WWOX: variants seen among roughly 807,000 people sequenced by gnomAD.
WWOX encodes WW domain containing oxidoreductase.
A neutral mutation model predicts 46.2 loss-of-function variants in WWOX; 69 were observed. The ratio of observed to expected loss-of-function variants is 1.49; its 90% CI spans 1.23 to 1.82. The LOEUF (loss-of-function observed/expected upper bound fraction) is 1.82. WWOX is among the 40% of genes most tolerant of loss of function. The probability of loss-of-function intolerance (pLI) is 0.00; values close to 1 mark genes in which losing one functional copy is unlikely to be tolerated. For synonymous variants in WWOX, 359 were observed against 202.6 expected, an observed-to-expected ratio of 1.77 and a Z score of -6.56; for missense variants, 919 against 542.6, an observed-to-expected ratio of 1.69 and a Z score of -6.89.
Position 78,450,035 on chromosome 16 carries a change from AAT to A in WWOX, c.1056+17285_1056+17286del, listed in dbSNP as rs1229756347. ...TTTTTTTAAGCAGGAAGCTAAAAAAAATAACCACCCGTTACTTTGCTGCTTTT... is the reference window on the plus strand; with the variant it reads ...TTTTTTTAAGCAGGAAGCTAAAAAAAAACCACCCGTTACTTTGCTGCTTTT... On this transcript the variant is annotated intron_variant, in intron 8 of 8. Coordinates refer to ENST00000566780, the MANE Select transcript of WWOX (RefSeq NM_016373.4). Among the ~76,000 whole-genome samples, 2 of 150,746 alleles carry A rather than the reference AAT, an allele frequency of 1.3e-5. 1 individual carries two copies. The highest frequency in any genetic ancestry group is 1.3e-4 in the Admixed American group (2 of 15,090).
chr16:78,633,954 A>C (rs1189515484), intron 8 of WWOX, among the ~76,000 whole-genome samples: 1 of 151,092 alleles, frequency 6.6e-6, no homozygotes, highest in East Asian at 1.9e-4. Context: ...TCTGCCGACC[A>C]AAGGCTGAGT....
chr16:78,989,260 A>C (rs150965998), intron 8 of WWOX, among the ~76,000 whole-genome samples: 7 of 152,094 alleles, frequency 4.6e-5, no homozygotes, highest in African/African-American at 1.7e-4. Context: ...TAAGAATTCT[A>C]ATTCAATTAG....
chr16:78,691,144 A>G (rs1254040941), intron 8 of WWOX: 1 of 665,692 alleles, frequency 1.5e-6, no homozygotes. Flanking sequence ...TCATAAAAGC[A>G]AAAGCACAGT....
intron 8 of WWOX, among the ~76,000 whole-genome samples, chr16:78,707,560 G>C (rs959924845): frequency 1.3e-5 from 2 of 152,106 alleles, no homozygotes; most frequent in African/African-American, 2.4e-5. Context: ...CAGAAATAAA[G>C]GCTACAGATG....
intron 5 of WWOX, among the ~76,000 whole-genome samples, chr16:78,169,093 T>G (rs2035064940): frequency 1.3e-5 from 2 of 152,164 alleles, no homozygotes; most frequent in South Asian, 4.1e-4. Context: ...CAGTGGGGCT[T>G]GTTCCTATGT....
chr16:78,920,563 C>G (rs768962524), intron 8 of WWOX, among the ~76,000 whole-genome samples: 5 of 152,080 alleles, frequency 3.3e-5, no homozygotes, highest in Non-Finnish European at 7.4e-5. Flanking sequence ...GTTCCCTGCC[C>G]TTGTTAAATG....
At chr16:79,151,975 A>G (rs554889381) in intron 8 of WWOX, among the ~76,000 whole-genome samples, 2 of 152,296 alleles carry the variant, frequency 1.3e-5, no homozygotes, top group South Asian at 2.1e-4. Flanking sequence ...AGGCAACAGA[A>G]AGGTCTCTGT....
At chr16:78,837,601 C>G (rs574684819) in intron 8 of WWOX, among the ~76,000 whole-genome samples, 1 of 152,146 alleles carries the variant, frequency 6.6e-6, no homozygotes, top group Non-Finnish European at 1.5e-5. Context: ...ATACAGACCT[C>G]TTAGGCGTCT....
chr16:78,706,952 C>G (rs987254174), intron 8 of WWOX, among the ~76,000 whole-genome samples: 30 of 152,210 alleles, frequency 2.0e-4, no homozygotes, highest in Non-Finnish European at 4.4e-5. Context: ...CATCAGCCGT[C>G]ATGCCTGGCA....
chr16:78,409,965 C>T (rs1158204220), intron 6 of WWOX, among the ~76,000 whole-genome samples: 1 of 152,204 alleles, frequency 6.6e-6, no homozygotes, highest in Non-Finnish European at 1.5e-5. Flanking sequence ...TGTTTTTCTC[C>T]TGCACATGCC....
rs778738934 is a variant in WWOX at position 78,109,823 on chromosome 16, T to C, written c.218T>C (p.Val73Ala). The stretch of plus-strand genomic sequence containing the variant: ...CAAGAAACTGATGAGAACGGACAAG[T>C]GTTTTTTGTTGAGTAAGTGTCTGCA... ...WEQETDENGQ[V>A]FFVDHINKRT... is the part of the protein sequence containing the mutation. Residue 73 changes from valine to alanine, a missense_variant, in exon 3 of 9, where the codon GTG becomes GCG. Val to Ala is a moderately conservative substitution (Grantham distance 64, BLOSUM62 0). Transcript: ENST00000566780. 1 of 1,614,186 alleles carries C rather than the reference T, an allele frequency of 6.2e-7. No homozygotes were observed. The highest frequency in any genetic ancestry group is 8.5e-7 in the Non-Finnish European group (1 of 1,180,026).
intron 8 of WWOX, among the ~76,000 whole-genome samples, chr16:78,448,735 G>A (rs2083618109): frequency 6.6e-6 from 1 of 152,138 alleles, no homozygotes; most frequent in African/African-American, 2.4e-5. Context: ...ATCAAGGGGA[G>A]GAATAATCAT....
intron 8 of WWOX, among the ~76,000 whole-genome samples, chr16:78,809,844 A>T (rs1320108024): frequency 6.6e-6 from 1 of 152,164 alleles, no homozygotes; most frequent in African/African-American, 2.4e-5. Flanking sequence ...CCAGGGGATG[A>T]TGACCCTCTA....
At chr16:78,727,311 A>C (rs1276728617) in intron 8 of WWOX, among the ~76,000 whole-genome samples, 2 of 152,196 alleles carry the variant, frequency 1.3e-5, no homozygotes, top group Non-Finnish European at 2.9e-5. Flanking sequence ...AGGCAGGAGA[A>C]TCACTTCAAC....
intron 5 of WWOX, among the ~76,000 whole-genome samples, chr16:78,336,824 C>T (rs1236434025): frequency 6.6e-6 from 1 of 152,124 alleles, no homozygotes; most frequent in Non-Finnish European, 1.5e-5. Context: ...CGAAGTTTCG[C>T]TCTCATTTCC....
At chr16:78,173,364 C>G (rs1478517788) in intron 5 of WWOX, among the ~76,000 whole-genome samples, 1 of 152,078 alleles carries the variant, frequency 6.6e-6, no homozygotes, top group Non-Finnish European at 1.5e-5. Context: ...TGATGGTTCA[C>G]TGCAACCTTG....
chr16:78,435,221 G>C (rs1048328319), intron 8 of WWOX, among the ~76,000 whole-genome samples: 1 of 152,086 alleles, frequency 6.6e-6, no homozygotes, highest in Non-Finnish European at 1.5e-5. Flanking sequence ...ACAATGAATT[G>C]GACGAAGGTT....
intron 8 of WWOX, among the ~76,000 whole-genome samples, chr16:79,175,067 A>G (rs888677651): frequency 6.6e-6 from 1 of 152,168 alleles, no homozygotes; most frequent in Non-Finnish European, 1.5e-5. Context: ...TGCCAGTACA[A>G]CCACATCAAC....
intron 5 of WWOX, among the ~76,000 whole-genome samples, chr16:78,308,798 A>C (rs899634047): frequency 7.2e-5 from 11 of 152,146 alleles, no homozygotes; most frequent in Admixed American, 6.5e-5. Flanking sequence ...ATCTTAACCC[A>C]GATAGTCCTT....
Sources: allele counts gnomAD v4.1 joint callset (sites outside exome capture counted in the v4.1 genomes callset), GRCh38; gene constraint gnomAD v4.1.1; transcripts MANE v1.5; gene names NCBI Gene and HGNC (gene_info 2026-07-23, HGNC 2026-07-21).